PCDH9: variants seen among roughly 807,000 people sequenced by gnomAD.
The protein encoded by PCDH9 is protocadherin 9, also known as protocadherin-9.
A neutral mutation model predicts 70.6 loss-of-function variants in PCDH9; 24 were observed. That is an observed-to-expected ratio of 0.34 (90% confidence interval 0.25 to 0.48). The LOEUF (loss-of-function observed/expected upper bound fraction) is 0.48. Ranked by LOEUF, PCDH9 falls within the 20% of genes least tolerant of loss-of-function variation. The pLI is 0.99. For synonymous variants in PCDH9, 562 were observed against 558.5 expected (o/e 1.01, Z -0.09); for missense variants, 1,281 against 1,503.6 (o/e 0.85, Z 2.45).
chr13:66,935,241 T>A (rs1433790243), intron 2 of PCDH9, among the ~76,000 whole-genome samples: 4 of 151,904 alleles, frequency 2.6e-5, no homozygotes, highest in African/African-American at 9.7e-5. Context: ...ATTTTTGTAG[T>A]GACGAGATCC....
At chr13:66,342,468 T>C (rs1163803454) in intron 4 of PCDH9, among the ~76,000 whole-genome samples, 1 of 152,232 alleles carries the variant, frequency 6.6e-6, no homozygotes, top group Non-Finnish European at 1.5e-5. Flanking sequence ...AATTTACTCC[T>C]TATAACAGGA....
At chr13:66,338,620 A>G (rs902482541) in intron 4 of PCDH9, among the ~76,000 whole-genome samples, 2 of 151,322 alleles carry the variant, frequency 1.3e-5, no homozygotes, top group Non-Finnish European at 2.9e-5. Context: ...AGCATAATTT[A>G]TTGTGAAAAG....
intron 3 of PCDH9, among the ~76,000 whole-genome samples, chr13:66,730,882 T>TTTTG (rs1401050224): frequency 1.2e-4 from 2 of 16,296 alleles, no homozygotes; most frequent in Non-Finnish European, 5.8e-4. Flanking sequence ...GTGTGTTTTT[T>TTTTG]TTTTGTTTGT....
intron 4 of PCDH9, among the ~76,000 whole-genome samples, chr13:66,414,169 A>G (rs986236765): frequency 6.6e-6 from 1 of 152,208 alleles, no homozygotes; most frequent in Admixed American, 6.5e-5. Context: ...CTAACACTTT[A>G]AATTTCACTC....
At chr13:67,022,940 G>A (rs2084707793) in intron 2 of PCDH9, among the ~76,000 whole-genome samples, 2 of 152,206 alleles carry the variant, frequency 1.3e-5, no homozygotes, top group Non-Finnish European at 1.5e-5. Context: ...GATACTGAGT[G>A]TGACAGGTTC....
At chr13:66,759,925 T>C (rs185284629) in intron 3 of PCDH9, among the ~76,000 whole-genome samples, 2 of 152,244 alleles carry the variant, frequency 1.3e-5, no homozygotes, top group African/African-American at 4.8e-5. Context: ...GACTGTGTAG[T>C]TCATTTTAGC....
chr13:66,410,523 T>G (rs1009879426), intron 4 of PCDH9, among the ~76,000 whole-genome samples: 1 of 152,216 alleles, frequency 6.6e-6, no homozygotes, highest in African/African-American at 2.4e-5. Flanking sequence ...ATGTTACTGT[T>G]CAAAATGAAT....
At chr13:66,554,779 TA>T (rs1220282663) in intron 4 of PCDH9, among the ~76,000 whole-genome samples, 4 of 152,010 alleles carry the variant, frequency 2.6e-5, no homozygotes, top group Non-Finnish European at 4.4e-5. Context: ...ATTAGCAAAT[TA>T]AAGGTGAATA....
chr13:66,414,004 A>C (rs557735609), intron 4 of PCDH9, among the ~76,000 whole-genome samples: 2 of 152,154 alleles, frequency 1.3e-5, no homozygotes, highest in Non-Finnish European at 2.9e-5. Flanking sequence ...TATCTAGACA[A>C]TGAATAGAAA....
At chr13:66,652,301 T>C (rs1015328466) in intron 3 of PCDH9, among the ~76,000 whole-genome samples, 1 of 152,012 alleles carries the variant, frequency 6.6e-6, no homozygotes, top group Admixed American at 6.5e-5. Context: ...ACAAAATTAA[T>C]ATATAGAAAT....
At chr13:67,140,578 G>A (rs1180785572) in intron 2 of PCDH9, among the ~76,000 whole-genome samples, 1 of 152,060 alleles carries the variant, frequency 6.6e-6, no homozygotes, top group Admixed American at 6.6e-5. Flanking sequence ...GTGCTTTATA[G>A]AAAGTAATAA....
chr13:66,870,472 T>C (rs997027205), intron 3 of PCDH9, among the ~76,000 whole-genome samples: 1 of 152,082 alleles, frequency 6.6e-6, no homozygotes, highest in African/African-American at 2.4e-5. Flanking sequence ...GGGAGAAAAT[T>C]CTTGCGACCT....
At chr13:67,050,227 G>T (rs1246987475) in intron 2 of PCDH9, among the ~76,000 whole-genome samples, 1 of 152,152 alleles carries the variant, frequency 6.6e-6, no homozygotes. Flanking sequence ...CATTTATTAT[G>T]AAGGGTTCCT....
rs868188803 is a variant in PCDH9, at chr13:66,348,569, C to A, written c.3341-43541G>T. 7.9e-5 allele frequency among the ~76,000 whole-genome samples: 12 copies of A among 151,924 alleles called. No individual in the cohort carries two copies. The South Asian group carries it at 1.0e-3, about 13-fold the overall frequency. On this transcript the variant is annotated intron_variant, in intron 4 of 4. Coordinates refer to ENST00000377865, the MANE Select transcript of PCDH9 (RefSeq NM_203487.3). ...CCCGCCACCACACCTGGCTAATTTTCACTACAGACAAGGTTTTGACATGTT... is the reference window on the plus strand; with the variant it reads ...CCCGCCACCACACCTGGCTAATTTTAACTACAGACAAGGTTTTGACATGTT...
chr13:67,052,160 G>A (rs2085336219), intron 2 of PCDH9, among the ~76,000 whole-genome samples: 1 of 152,060 alleles, frequency 6.6e-6, no homozygotes, highest in Non-Finnish European at 1.5e-5. Context: ...TAAACTCTGG[G>A]AGATATCAAT....
intron 2 of PCDH9, among the ~76,000 whole-genome samples, chr13:67,094,040 A>T (rs1257780549): frequency 1.3e-5 from 2 of 152,046 alleles, no homozygotes; most frequent in Admixed American, 6.6e-5. Context: ...CTGATTTAAT[A>T]AAAAAAATCT....
chr13:66,921,717 C>A (rs554547087), intron 2 of PCDH9, among the ~76,000 whole-genome samples: 1 of 151,268 alleles, frequency 6.6e-6, no homozygotes, highest in Non-Finnish European at 1.5e-5. Context: ...GGGAGGACCA[C>A]GTATACAAAA....
At chr13:67,126,344 TG>T (rs968558080) in intron 2 of PCDH9, among the ~76,000 whole-genome samples, 150 of 152,260 alleles carry the variant, frequency 9.9e-4, no homozygotes, top group African/African-American at 3.4e-3. Context: ...TAAAAACATA[TG>T]GTTTTTTTAA....
intron 2 of PCDH9, 156 bp downstream of exon 2, chr13:67,225,249 T>C (rs957285212): frequency 2.4e-6 from 3 of 1,266,094 alleles, no homozygotes; most frequent in African/African-American, 3.0e-5. Context: ...AATTCTTGAC[T>C]GAGCCCCAGA....
Sources: allele counts gnomAD v4.1 joint callset (sites outside exome capture counted in the v4.1 genomes callset), GRCh38; gene constraint gnomAD v4.1.1; transcripts MANE v1.5; gene names NCBI Gene and HGNC (gene_info 2026-07-23, HGNC 2026-07-21).